The following TTC34 variants were observed in gnomAD, a reference collection of about 807,000 sequenced individuals.
TTC34 encodes tetratricopeptide repeat domain 34, also known as tetratricopeptide repeat protein 34.
TTC34 carries 44 observed loss-of-function variants against 40.7 expected under a neutral mutation model. The observed-to-expected ratio is 1.08, with a 90% CI of 0.85 to 1.39. TTC34 has a LOEUF of 1.39. Ranked by LOEUF, TTC34 falls within the 40% of genes most tolerant of loss-of-function variation. The pLI is 0.00. For missense variants in TTC34, 884 were observed against 838.0 expected (o/e 1.05, Z -0.68); for synonymous variants, 422 against 398.6 (o/e 1.06, Z -0.70).
At chr1:2,681,915 C>T (rs1166042348) in intron 6 of TTC34, among the ~76,000 whole-genome samples, 8 of 87,900 alleles carry the variant, frequency 9.1e-5, no homozygotes, top group South Asian at 4.1e-4. Flanking sequence ...CCACCAGGTG[C>T]GCATGTGACA....
intron 2 of TTC34, among the ~76,000 whole-genome samples, chr1:2,797,886 A>G (rs1643725008): frequency 6.6e-6 from 1 of 152,008 alleles, no homozygotes; most frequent in Non-Finnish European, 1.5e-5. Flanking sequence ...TCTCTCCACC[A>G]TTAAATCTAC....
chr1:2,650,209 T>C lies in TTC34; in HGVS notation c.2227-4646A>G, dbSNP rs748245307. Among the ~76,000 whole-genome samples the C allele has an allele frequency of 8.0e-4, 112 of 139,222 alleles. 1 individual carries two copies. The highest frequency in any genetic ancestry group is 1.5e-3 in the Non-Finnish European group (91 of 62,396). 91.3% of individuals were successfully genotyped at this position (139,222 alleles called of 152,430 possible). On this transcript the variant is annotated intron_variant, in intron 6 of 8. Coordinates refer to ENST00000401095, the Ensembl canonical transcript of TTC34. ...AGCTTCTGACAGCCTGGAATGGCAC[T>C]CTACACCCTCAGGTGAGCATCTGAC... is the stretch of plus-strand genomic sequence containing the variant.
intron 6 of TTC34, among the ~76,000 whole-genome samples, chr1:2,764,162 C>G (rs1362439602): frequency 6.7e-6 from 1 of 148,800 alleles, no homozygotes; most frequent in Non-Finnish European, 1.5e-5. Flanking sequence ...GAATCTGACG[C>G]ATAAAACAGC....
In TTC34 at chr1:2,749,298, G is replaced by A. The variant is rs1269213783; in HGVS notation, c.2226+34311C>T. On this transcript the variant is annotated intron_variant, in intron 6 of 8. Coordinates refer to ENST00000401095, the Ensembl canonical transcript of TTC34. The stretch of plus-strand genomic sequence containing the variant: ...GCACCCAAAACCACAGGTGAGCATC[G>A]GAGAGTCTGGAACAGAACCCACACC... Among the ~76,000 whole-genome samples, 4 of 29,280 alleles carry A rather than the reference G, an allele frequency of 1.4e-4. 1 individual carries two copies. Among genetic ancestry groups the A allele is most frequent in the Admixed American group, 1.1e-3 (3 of 2,790 alleles). The allele number at this position is 29,280 out of a possible 152,430, so 19.2% of individuals were successfully genotyped here.
intron 6 of TTC34, among the ~76,000 whole-genome samples, chr1:2,683,455 C>A (rs369506679): frequency 2.3e-4 from 34 of 150,414 alleles, no homozygotes; most frequent in Non-Finnish European, 1.5e-5. Context: ...ATCCGACAGC[C>A]TGGAGCAGCA....
rs1473944885 is a variant in TTC34, at chr1:2,752,073, C to A, written c.2226+31536G>T. Among the ~76,000 whole-genome samples the A allele has an allele frequency of 2.7e-5, 2 of 73,840 alleles. 1 individual carries two copies. The allele number at this position is 73,840 out of a possible 152,430, so 48.4% of individuals were successfully genotyped here. On this transcript the variant is annotated intron_variant, in intron 6 of 8. Coordinates refer to ENST00000401095, the Ensembl canonical transcript of TTC34. ...ACCCCCAGGCGAACATCTGAACGCA[C>A]GGAGCAGCACCCACACCTTCAGGCG...
intron 5 of TTC34, among the ~76,000 whole-genome samples, chr1:2,785,245 T>C (rs1197346430): frequency 1.3e-5 from 2 of 151,928 alleles, no homozygotes; most frequent in African/African-American, 4.8e-5. Context: ...ACTAAGTGCA[T>C]GGCCGGGTTC....
At chr1:2,698,633 GAACAGCACCCACAC>G (rs1640979144) in intron 6 of TTC34, among the ~76,000 whole-genome samples, 4 of 42,300 alleles carry the variant, frequency 9.5e-5, no homozygotes, top group Admixed American at 1.9e-4. Context: ...GGACAGCCTG[GAACAGCACCCACAC>G]CGCCAGGCCA....
intron 6 of TTC34, among the ~76,000 whole-genome samples, chr1:2,749,389 A>G (rs1293996527): frequency 1.8e-3 from 161 of 87,210 alleles, no homozygotes; most frequent in Middle Eastern, 8.2e-3. Context: ...GACAGCCTGG[A>G]ACAGCACCCT....
At chr1:2,751,675 T>G (rs1429644934) in intron 6 of TTC34, among the ~76,000 whole-genome samples, 1,977 of 9,180 alleles carry the variant, frequency 0.22, 148 homozygotes, top group African/African-American at 0.27. Context: ...ACAGCCTGGA[T>G]CAGCACCCAC....
intron 5 of TTC34, among the ~76,000 whole-genome samples, chr1:2,784,189 A>G (rs546735000): frequency 2.0e-5 from 3 of 152,330 alleles, no homozygotes; most frequent in African/African-American, 7.2e-5. Context: ...AAGGTGAAGC[A>G]AGTCACGTGA....
At chr1:2,657,378 C>T (rs368926653) in intron 6 of TTC34, among the ~76,000 whole-genome samples, 5 of 95,278 alleles carry the variant, frequency 5.2e-5, no homozygotes, top group Admixed American at 1.0e-4. Context: ...GCAGCACCCA[C>T]ACCCCGAGGT....
intron 1 of TTC34, 72 bp from the exon 2 acceptor site, chr1:2,800,940 G>A: frequency 7.5e-6 from 3 of 398,058 alleles, no homozygotes; most frequent in Non-Finnish European, 1.3e-5. Context: ...CCCGTGCCCA[G>A]CCTCAAGCCA....
At chr1:2,782,464 TTTC>T (rs1343375157) in intron 6 of TTC34, among the ~76,000 whole-genome samples, 1 of 152,158 alleles carries the variant, frequency 6.6e-6, no homozygotes, top group Non-Finnish European at 1.5e-5. Flanking sequence ...ATTTTCTCTA[TTTC>T]TTCTCTATCC....
chr1:2,759,632 C>T (rs1641626018), intron 6 of TTC34, among the ~76,000 whole-genome samples: 19 of 151,994 alleles, frequency 1.3e-4, no homozygotes, highest in African/African-American at 4.4e-4. Context: ...TGGAACAGCA[C>T]CCACACCCCC....
intron 6 of TTC34, among the ~76,000 whole-genome samples, chr1:2,674,154 AC>A (rs1639804442): frequency 2.4e-5 from 2 of 82,120 alleles, no homozygotes; most frequent in East Asian, 2.7e-4. Flanking sequence ...AGCAGCACCC[AC>A]ACCCCCAGGG....
intron 6 of TTC34, among the ~76,000 whole-genome samples, chr1:2,750,613 T>C (rs1569690267): frequency 2.2e-4 from 28 of 128,628 alleles, no homozygotes; most frequent in East Asian, 4.8e-4. Context: ...CACCCACAGG[T>C]GAGCATCTGA....
At position 2,641,704 on chromosome 1, in the gene TTC34, C is replaced by T. The variant is rs1638908484; in HGVS notation, c.2904G>A (p.Leu968=). The change falls in exon 9 of 9, where the codon CTG becomes CTA. Residue 968 remains leucine, a synonymous_variant. Coordinates refer to ENST00000401095, the Ensembl canonical transcript of TTC34. The stretch of plus-strand genomic sequence containing the variant: ...CCCGCCTTGGGAGGTCACCATCCCC[C>T]AGCGCCTCCTGGAGCACATGGTCCA... 3.9e-6 allele frequency: 6 copies of T among 1,535,428 alleles called. No individual in the cohort carries two copies. The East Asian group carries it at 7.3e-5, about 19-fold the overall frequency.
rs1641388484 is a variant in TTC34, at chr1:2,753,308, A to T, written c.2226+30301T>A. Among the ~76,000 whole-genome samples the T allele has an allele frequency of 4.8e-5, 6 of 124,380 alleles. 1 individual carries two copies. Among genetic ancestry groups the T allele is most frequent in the African/African-American group, 2.0e-4 (6 of 29,348 alleles). The allele number at this position is 124,380 out of a possible 152,430, so 81.6% of individuals were successfully genotyped here. A position where few individuals can be genotyped will look rare whatever the true frequency, so the allele number is the denominator to read the frequency against. Reference sequence around the variant, plus strand: ...CAGCACCCTGCACACCCAGGTGAGCATCCGACAGCCTGGAGCATCACCCAC... The same window carrying T: ...CAGCACCCTGCACACCCAGGTGAGCTTCCGACAGCCTGGAGCATCACCCAC... On this transcript the variant is annotated intron_variant, in intron 6 of 8. Transcript: ENST00000401095.
Sources: allele counts gnomAD v4.1 joint callset (sites outside exome capture counted in the v4.1 genomes callset), GRCh38; gene constraint gnomAD v4.1.1; transcripts MANE v1.5; gene names NCBI Gene and HGNC (gene_info 2026-07-23, HGNC 2026-07-21).